GPSM1: variants seen among roughly 807,000 people sequenced by gnomAD.
GPSM1 encodes the protein G protein signaling modulator 1, also known as G protein-signaling modulator 1.
Under a neutral mutation model 70.5 loss-of-function variants are expected in GPSM1, and 48 were observed. That is an observed-to-expected ratio of 0.68 (90% CI 0.54 to 0.87). GPSM1 has a LOEUF of 0.87. Among genes scored for constraint, GPSM1 ranks in the 40% least tolerant of loss-of-function variants. GPSM1 has a pLI of 0.00. For missense variants in GPSM1, 981 were observed against 972.6 expected (o/e 1.01, Z -0.11); for synonymous variants, 416 against 430.1 (o/e 0.97, Z 0.41).
chr9:136,353,868 G>A (rs1260240557), intron 11 of GPSM1, among the ~76,000 whole-genome samples: 1 of 152,178 alleles, frequency 6.6e-6, no homozygotes, highest in Non-Finnish European at 1.5e-5. Context: ...GCCCCAACTG[G>A]CACTCAGGCT....
In GPSM1 at chr9:136,343,434, C is replaced by A. The variant is rs1275932265; in HGVS notation, c.1207+2441C>A. Among the ~76,000 whole-genome samples the A allele has an allele frequency of 6.6e-6, 1 of 152,234 alleles. No homozygotes were observed. Among genetic ancestry groups the A allele is most frequent in the African/African-American group, 2.4e-5 (1 of 41,466 alleles). Reference sequence around the variant, plus strand: ...CCTGTCCCACAGGATGTGCGACTGCCCTCGGCCCTGCTGACCGTACTTCTC... The same window carrying A: ...CCTGTCCCACAGGATGTGCGACTGCACTCGGCCCTGCTGACCGTACTTCTC... On this transcript the variant is annotated intron_variant, in intron 9 of 13. Transcript: ENST00000440944. The surrounding 1 kb of genome is among the most constrained non-coding windows in gnomAD (Gnocchi z 6.0).
At chr9:136,332,029 G>A in intron 1 of GPSM1, 1 of 398,804 alleles carries the variant, frequency 2.5e-6, no homozygotes, top group Non-Finnish European at 4.4e-6. Flanking sequence ...GCTGGGGAGG[G>A]CCCGCCTCTG....
chr9:136,339,223 G>A (rs1832326421), intron 7 of GPSM1, among the ~76,000 whole-genome samples: 1 of 152,262 alleles, frequency 6.6e-6, no homozygotes, highest in Non-Finnish European at 1.5e-5. Context: ...CGGTTGCACA[G>A]CATGAATGTA....
In GPSM1 at chr9:136,341,116, C is replaced by T; in HGVS notation, c.1207+123C>T. The T allele has an allele frequency of 6.5e-7, 1 of 1,550,070 alleles. No individual in the cohort carries two copies. The highest frequency in any genetic ancestry group is 8.7e-7 in the Non-Finnish European group (1 of 1,146,852). On this transcript the variant is annotated intron_variant, in intron 9 of 13. Transcript: ENST00000440944. The surrounding 1 kb of genome is among the most constrained non-coding windows in gnomAD (Gnocchi z 6.7). The stretch of plus-strand genomic sequence containing the variant: ...AGGTGGCAGCCGCCAGAAAATGGCG[C>T]CTACAAGCCAGTTCTTCTTGGCCTC...
At position 136,355,781 on chromosome 9, in the gene GPSM1, C is replaced by G; in HGVS notation, c.1547C>G (p.Pro516Arg). Residue 516 changes from proline to arginine, a missense_variant, in exon 12 of 14, where the codon CCC (proline) becomes CGC (arginine). Physicochemically the swap from Pro to Arg is moderately radical, Grantham distance 103 (BLOSUM62 -2). Coordinates refer to ENST00000440944, the MANE Select transcript of GPSM1 (RefSeq NM_001145638.3). ...QSSRMDDQRC[P>R]LDDGQAGAAE... is the part of the protein sequence containing the mutation. The stretch of plus-strand genomic sequence containing the variant: ...AGCCGCATGGACGACCAGCGTTGTC[C>G]CCTGGACGATGGCCAGGCCGGGGCT... 6.2e-7 allele frequency: 1 copy of G among 1,612,152 alleles called. No individual in the cohort carries two copies.
rs543408768 is a variant in GPSM1, at chr9:136,335,005, G to C, written c.290+337G>C. On this transcript the variant is annotated intron_variant, in intron 2 of 13. Transcript: ENST00000440944. ...GAAGCCCTCACCTGGAGGGCAGCCA[G>C]GGCTCTGGGACCCCGGCAGGGAGCT... 5.3e-5 allele frequency among the ~76,000 whole-genome samples: 8 copies of C among 152,318 alleles called. No individual in the cohort carries two copies. In the East Asian group the frequency reaches 9.6e-4, roughly 18 times the overall value.
chr9:136,336,032 G>T lies in GPSM1; in HGVS notation c.357G>T (p.Leu119=). The T allele has an allele frequency of 1.2e-6, 2 of 1,612,506 alleles. No individual in the cohort carries two copies. Among genetic ancestry groups the T allele is most frequent in the Non-Finnish European group, 1.7e-6 (2 of 1,179,896 alleles). Reference sequence around the variant, plus strand: ...ACCTGGGAAACACACTCAAGGTCCTGGGGCGCTTCGACGAGGCTGCCGTCT... The same window carrying T: ...ACCTGGGAAACACACTCAAGGTCCTTGGGCGCTTCGACGAGGCTGCCGTCT... ...SGNLGNTLKV[L]GRFDEAAVCC... Residue 119 remains leucine (L), a synonymous_variant, in exon 3 of 14, where the codon CTG becomes CTT. Coordinates refer to ENST00000440944, the MANE Select transcript of GPSM1 (RefSeq NM_001145638.3).
In GPSM1 at chr9:136,358,066, G is replaced by C; in HGVS notation, c.1874G>C (p.Gly625Ala). Residue 625 changes from glycine (G) to alanine (A), a missense_variant, in exon 14 of 14, where the codon GGC (glycine) becomes GCC (alanine). By Grantham distance (60) the Gly-to-Ala change is moderately conservative. Transcript: ENST00000440944. ...CCGCCACCTGACGTACTGCCCCGGGGCCCTACCATGCCGGACGAGGACTTC... is the reference window on the plus strand; with the variant it reads ...CCGCCACCTGACGTACTGCCCCGGGCCCCTACCATGCCGGACGAGGACTTC... Reference protein sequence around the residue: ...RCPPPDVLPRGPTMPDEDFFS... With the variant: ...RCPPPDVLPRAPTMPDEDFFS... The C allele has an allele frequency of 1.9e-6, 3 of 1,612,788 alleles. No homozygotes were observed. The highest frequency in any genetic ancestry group is 2.5e-6 in the Non-Finnish European group (3 of 1,179,838).
chr9:136,348,975 C>G (rs1421356965), intron 10 of GPSM1, among the ~76,000 whole-genome samples: 1 of 152,254 alleles, frequency 6.6e-6, no homozygotes, highest in African/African-American at 2.4e-5. Flanking sequence ...CCAGGCGAGG[C>G]ATGGTCCTCA....
rs1554771636 is a variant in GPSM1 at position 136,348,749 on chromosome 9, G to A, written c.1260G>A (p.Leu420=). The A allele has an allele frequency of 6.8e-6, 11 of 1,612,066 alleles. No homozygotes were observed. Among genetic ancestry groups the A allele is most frequent in the Non-Finnish European group, 9.3e-6 (11 of 1,179,474 alleles). ...QRLSAETWDL[L]RLPLEREQNG... ...TGAGCGCGGAGACCTGGGACCTGCTGAGACTCCCCCTGGAGCGGGTGAGCC... is the reference window on the plus strand; with the variant it reads ...TGAGCGCGGAGACCTGGGACCTGCTAAGACTCCCCCTGGAGCGGGTGAGCC... The change falls in exon 10 of 14, where the codon CTG becomes CTA. Residue 420 remains leucine, a synonymous_variant. Transcript: ENST00000440944.
chr9:136,355,967 A>G (rs1410979285), intron 12 of GPSM1, 121 bp downstream of exon 12: 1 of 808,986 alleles, frequency 1.2e-6, no homozygotes, highest in East Asian at 2.7e-5. Context: ...GCTGCAGAGC[A>G]CCCTGTCACT....
intron 5 of GPSM1, 124 bp from the exon 6 acceptor site, chr9:136,337,722 C>T (rs1207771275): frequency 1.0e-6 from 1 of 985,942 alleles, no homozygotes; most frequent in Non-Finnish European, 1.6e-6. Context: ...CCTGCAGCTG[C>T]TAGCTGCTCA....
At position 136,349,650 on chromosome 9, in the gene GPSM1, C is replaced by A. The variant is rs529469467; in HGVS notation, c.1342C>A (p.Leu448Ile). ...WRGPSRDSLPLPVRSRKYQEG... is the reference protein window; with the variant it reads ...WRGPSRDSLPIPVRSRKYQEG... ...GGGGCCCAGCAGGGACTCGCTACCC[C>A]TCCCCGTGAGGAGCAGGAAGTACCA... The change falls in exon 11 of 14, where the codon CTC becomes ATC. Residue 448 changes from leucine to isoleucine, a missense_variant. Coordinates refer to ENST00000440944, the MANE Select transcript of GPSM1 (RefSeq NM_001145638.3). 3 of 1,550,558 alleles carry A rather than the reference C, an allele frequency of 1.9e-6. No individual in the cohort carries two copies. In the Admixed American group the frequency reaches 5.9e-5, roughly 30 times the overall value.
chr9:136,327,711 C>T lies in GPSM1; in HGVS notation c.16C>T (p.Pro6Ser), dbSNP rs1554768035. 3.2e-5 allele frequency: 37 copies of T among 1,165,992 alleles called. No individual in the cohort carries two copies. Among genetic ancestry groups the T allele is most frequent in the South Asian group, 4.0e-5 (1 of 24,894 alleles). The allele number at this position is 1,165,992 out of a possible 1,614,324, so 72.2% of individuals were successfully genotyped here. A position where few individuals can be genotyped will look rare whatever the true frequency, so the allele number is the denominator to read the frequency against. Residue 6 changes from proline to serine, a missense_variant, in exon 1 of 14, where the codon CCG becomes TCG. By Grantham distance (74) the Pro-to-Ser change is moderately conservative. Coordinates refer to ENST00000440944, the MANE Select transcript of GPSM1 (RefSeq NM_001145638.3). MAGPAPPAADELPGPA... is the reference protein window; with the variant it reads MAGPASPAADELPGPA... ...TCCCCGACCCATGGCGGGCCCGGCC[C>T]CGCCCGCGGCCGACGAGCTCCCGGG... is the stretch of plus-strand genomic sequence containing the variant.
chr9:136,349,085 G>A (rs1239400397), intron 10 of GPSM1, among the ~76,000 whole-genome samples: 2 of 152,238 alleles, frequency 1.3e-5, no homozygotes, highest in East Asian at 1.9e-4. Context: ...CTGCCCTCTC[G>A]GACTCTGACC....
chr9:136,341,604 CA>C lies in GPSM1; in HGVS notation c.1207+612del. On this transcript the variant is annotated intron_variant, in intron 9 of 13. Transcript: ENST00000440944. This position sits in a 1 kb window ranked among gnomAD's most constrained non-coding sequence, Gnocchi z 6.7. ...TGGGCCGACTTCCTGAGGTGGCTGG[CA>C]GGTGGGTGAGGGGCAGGCTTGGGGG... The C allele has an allele frequency of 9.9e-7, 1 of 1,014,524 alleles. No homozygotes were observed. The highest frequency in any genetic ancestry group is 1.2e-6 in the Non-Finnish European group (1 of 847,214). The allele number at this position is 1,014,524 out of a possible 1,614,324, so 62.8% of individuals were successfully genotyped here. A position where few individuals can be genotyped will look rare whatever the true frequency, so the allele number is the denominator to read the frequency against.
intron 9 of GPSM1, among the ~76,000 whole-genome samples, chr9:136,346,373 C>A (rs1832522976): frequency 6.6e-6 from 1 of 151,756 alleles, no homozygotes; most frequent in Non-Finnish European, 1.5e-5. Context: ...CCCTTCCCCC[C>A]AGCTGCGTTT....
rs782437750 is a variant in GPSM1, at chr9:136,358,051, A to G, written c.1859A>G (p.Asp620Gly). The change falls in exon 14 of 14, where the codon GAC becomes GGC. Residue 620 changes from aspartate (D) to glycine (G), a missense_variant. By Grantham distance (94) the Asp-to-Gly change is moderately conservative. Coordinates refer to ENST00000440944, the MANE Select transcript of GPSM1 (RefSeq NM_001145638.3). ...RIDDQRCPPP[D>G]VLPRGPTMPD... is the part of the protein sequence containing the mutation. The stretch of plus-strand genomic sequence containing the variant: ...GATGACCAGCGCTGCCCGCCACCTG[A>G]CGTACTGCCCCGGGGCCCTACCATG... 5 of 1,612,692 alleles carry G rather than the reference A, an allele frequency of 3.1e-6. No individual in the cohort carries two copies. Among genetic ancestry groups the G allele is most frequent in the Non-Finnish European group, 4.2e-6 (5 of 1,179,796 alleles).
At chr9:136,329,441 T>C (rs1832051785) in intron 1 of GPSM1, among the ~76,000 whole-genome samples, 1 of 152,316 alleles carries the variant, frequency 6.6e-6, no homozygotes, top group South Asian at 2.1e-4. Context: ...TTTGCTGTCA[T>C]GCTGGGGCTG....
Sources: allele counts gnomAD v4.1 joint callset (sites outside exome capture counted in the v4.1 genomes callset), GRCh38; gene constraint gnomAD v4.1.1; non-coding constraint Gnocchi (gnomAD v3.1); transcripts MANE v1.5; gene names NCBI Gene and HGNC (gene_info 2026-07-23, HGNC 2026-07-21).